ZNF429: variants seen among roughly 807,000 people sequenced by gnomAD.
The protein encoded by ZNF429 is zinc finger protein 429.
Under a neutral mutation model 56.8 loss-of-function variants are expected in ZNF429, and 53 were observed. That is an observed-to-expected ratio of 0.93 (90% CI 0.75 to 1.17). ZNF429 has a LOEUF of 1.17. Ranked by LOEUF, ZNF429 falls within the 50% of genes most tolerant of loss-of-function variation. The probability of loss-of-function intolerance (pLI) is 0.00; values close to 1 mark genes in which losing one functional copy is unlikely to be tolerated. For synonymous variants in ZNF429, 278 were observed against 264.7 expected (o/e 1.05, Z -0.49); for missense variants, 849 against 788.4 (o/e 1.08, Z -0.92).
intron 3 of ZNF429, among the ~76,000 whole-genome samples, chr19:21,533,013 A>AT: frequency 7.0e-6 from 1 of 143,470 alleles, no homozygotes; most frequent in Non-Finnish European, 1.5e-5. Flanking sequence ...TTTTTTTTTC[A>AT]TTTCTAAGTA....
intron 1 of ZNF429, among the ~76,000 whole-genome samples, chr19:21,527,672 A>G (rs1296162433): frequency 6.6e-6 from 1 of 152,094 alleles, no homozygotes; most frequent in Non-Finnish European, 1.5e-5. Context: ...TTGTTCCTAA[A>G]TGTCTGTTAT....
At chr19:21,519,249 G>A (rs1187206116) in intron 1 of ZNF429, among the ~76,000 whole-genome samples, 1 of 152,186 alleles carries the variant, frequency 6.6e-6, no homozygotes, top group Non-Finnish European at 1.5e-5. Flanking sequence ...AAGAAGCCAG[G>A]GCTGGAAAGA....
rs554339267 is a variant in ZNF429, at chr19:21,537,045, A to G, written c.992A>G (p.His331Arg). Residue 331 changes from histidine to arginine, a missense_variant, in exon 4 of 4, where the codon CAT (histidine) becomes CGT (arginine). By Grantham distance (29) the His-to-Arg change is conservative. Transcript: ENST00000358491. ...AFNRSSTLTS[H>R]KRIHTGEKPY... ...AACCGGTCCTCAACCCTTACTAGCC[A>G]TAAGAGAATACATACTGGTGAGAAA... is the stretch of plus-strand genomic sequence containing the variant. The G allele has an allele frequency of 1.5e-5, 24 of 1,614,144 alleles. No homozygotes were observed. The South Asian group carries it at 2.1e-4, about 14-fold the overall frequency.
At chr19:21,514,807 C>A (rs1248765774) in intron 1 of ZNF429, among the ~76,000 whole-genome samples, 6 of 151,928 alleles carry the variant, frequency 3.9e-5, no homozygotes, top group Non-Finnish European at 8.8e-5. Context: ...CCATGTTGGC[C>A]AGGCTTGTCT....
At chr19:21,531,116 A>AAAAAAAAC in intron 3 of ZNF429, among the ~76,000 whole-genome samples, 1 of 86,156 alleles carries the variant, frequency 1.2e-5, no homozygotes, top group African/African-American at 5.3e-5. Flanking sequence ...CAAAAAAAAA[A>AAAAAAAAC]AAAAAAAAAA....
Position 21,535,412 on chromosome 19 carries a change from T to C in ZNF429, c.227-868T>C. Among the ~76,000 whole-genome samples, 10 of 55,388 alleles carry C rather than the reference T, an allele frequency of 1.8e-4. 1 individual carries two copies. The East Asian group carries it at 2.7e-3, about 15-fold the overall frequency. 36.3% of individuals were successfully genotyped at this position (55,388 alleles called of 152,430 possible). A position where few individuals can be genotyped will look rare whatever the true frequency, so the allele number is the denominator to read the frequency against. On this transcript the variant is annotated intron_variant, in intron 3 of 3. Transcript: ENST00000358491. ...TTCTTTCTTTCTTTCTTTCTTTTTC[T>C]TTTCTTTCTTTCTTTCTTTCTTTCT... is the stretch of plus-strand genomic sequence containing the variant.
intron 1 of ZNF429, among the ~76,000 whole-genome samples, chr19:21,520,017 G>A (rs773342116): frequency 2.0e-5 from 3 of 152,006 alleles, no homozygotes; most frequent in Admixed American, 6.6e-5. Context: ...CACCATGTTT[G>A]GCTGGTTTTT....
At chr19:21,510,892 TG>T (rs985777238) in intron 1 of ZNF429, among the ~76,000 whole-genome samples, 19 of 152,064 alleles carry the variant, frequency 1.2e-4, no homozygotes, top group African/African-American at 3.9e-4. Context: ...AGCACAGGGT[TG>T]GGGGTAAGGT....
chr19:21,526,211 A>G (rs1489282107), intron 1 of ZNF429, among the ~76,000 whole-genome samples: 2 of 151,904 alleles, frequency 1.3e-5, no homozygotes, highest in Admixed American at 1.3e-4. Flanking sequence ...TCACTGGTGT[A>G]CAGGTAGTAT....
chr19:21,517,274 C>G (rs554691031), intron 1 of ZNF429, among the ~76,000 whole-genome samples: 1 of 133,726 alleles, frequency 7.5e-6, no homozygotes, highest in African/African-American at 2.8e-5. Context: ...CACCTTGCAT[C>G]CCAGGGATAA....
At chr19:21,527,822 C>T (rs2033223600) in intron 1 of ZNF429, among the ~76,000 whole-genome samples, 1 of 152,058 alleles carries the variant, frequency 6.6e-6, no homozygotes, top group Admixed American at 6.6e-5. Flanking sequence ...TGGAGCATGT[C>T]ATCTGAGCAG....
Position 21,508,406 on chromosome 19 carries a change from G to A in ZNF429, c.3+2632G>A, listed in dbSNP as rs142997302. ...AGTACTTAAGTGACTTAAGTGAGCG[G>A]GATGGGTAGGAGAATCTCTCAAGTG... On this transcript the variant is annotated intron_variant, in intron 1 of 3. Coordinates refer to ENST00000358491, the MANE Select transcript of ZNF429 (RefSeq NM_001001415.4). Among the ~76,000 whole-genome samples, 670 of 152,292 alleles carry A rather than the reference G, an allele frequency of 4.4e-3. 2 individuals carry two copies. Among genetic ancestry groups the A allele is most frequent in the Non-Finnish European group, 6.8e-3 (461 of 68,034 alleles).
At chr19:21,509,390 C>T (rs2032345882) in intron 1 of ZNF429, among the ~76,000 whole-genome samples, 1 of 152,146 alleles carries the variant, frequency 6.6e-6, no homozygotes, top group Non-Finnish European at 1.5e-5. Flanking sequence ...GAAATGTAAG[C>T]ATTGTAAAAT....
At chr19:21,528,662 GCCAT>G (rs2033257202) in intron 1 of ZNF429, among the ~76,000 whole-genome samples, 1 of 151,812 alleles carries the variant, frequency 6.6e-6, no homozygotes, top group Non-Finnish European at 1.5e-5. Flanking sequence ...CCGAAATTGT[GCCAT>G]TCCACTCCAG....
intron 1 of ZNF429, among the ~76,000 whole-genome samples, chr19:21,522,191 T>C (rs1275647509): frequency 6.6e-6 from 1 of 152,188 alleles, no homozygotes; most frequent in African/African-American, 2.4e-5. Context: ...TGCTTTCAAG[T>C]TGGAATATTA....
Position 21,536,419 on chromosome 19 carries a change from T to C in ZNF429, c.366T>C (p.Asp122=). Residue 122 remains aspartate (D), a synonymous_variant, in exon 4 of 4, where the codon GAT becomes GAC. Transcript: ENST00000358491. ...QLRKGYKTVG[D]CKLYKGGYNG... ...GAAAAGGCTATAAAACTGTAGGTGA[T>C]TGTAAGCTATACAAAGGAGGTTATA... 6.2e-7 allele frequency: 1 copy of C among 1,612,782 alleles called. No homozygotes were observed. Among genetic ancestry groups the C allele is most frequent in the Non-Finnish European group, 8.5e-7 (1 of 1,179,632 alleles).
intron 1 of ZNF429, among the ~76,000 whole-genome samples, chr19:21,507,175 A>G (rs1343540234): frequency 1.3e-5 from 2 of 152,060 alleles, no homozygotes; most frequent in Non-Finnish European, 2.9e-5. Flanking sequence ...CTTCCCCTGC[A>G]TTTTTCACAG....
At chr19:21,532,443 A>G in intron 3 of ZNF429, among the ~76,000 whole-genome samples, 1 of 152,330 alleles carries the variant, frequency 6.6e-6, no homozygotes, top group African/African-American at 2.4e-5. Flanking sequence ...CTGGAACAGA[A>G]ACCACTACTC....
At chr19:21,530,745 C>A in intron 3 of ZNF429, 61 bp downstream of exon 3, 3 of 1,231,478 alleles carry the variant, frequency 2.4e-6, no homozygotes, top group Non-Finnish European at 3.4e-6. Context: ...AATAAGAAAG[C>A]CAGTCCTTAA....
Sources: allele counts gnomAD v4.1 joint callset (sites outside exome capture counted in the v4.1 genomes callset), GRCh38; gene constraint gnomAD v4.1.1; transcripts MANE v1.5; gene names NCBI Gene and HGNC (gene_info 2026-07-23, HGNC 2026-07-21).